The following ABR variants were observed in gnomAD, a reference collection of about 807,000 sequenced individuals.
ABR encodes active breakpoint cluster region-related protein.
A neutral mutation model predicts 107.2 loss-of-function variants in ABR; 35 were observed. The ratio of observed to expected loss-of-function variants is 0.33; its 90% CI spans 0.25 to 0.43. ABR has a LOEUF of 0.43. ABR is among the 20% of genes least tolerant of loss of function. The probability of loss-of-function intolerance (pLI) is 1.00; values close to 1 mark genes in which losing one functional copy is unlikely to be tolerated. For synonymous variants in ABR, 498 were observed against 462.0 expected, an observed-to-expected ratio of 1.08 and a Z score of -1.00; for missense variants, 815 against 1,115.2, an observed-to-expected ratio of 0.73 and a Z score of 3.83.
intron 1 of ABR, among the ~76,000 whole-genome samples, chr17:1,198,140 G>A (rs1433074213): frequency 1.3e-5 from 2 of 151,702 alleles, no homozygotes; most frequent in East Asian, 3.9e-4. Flanking sequence ...AGCTGCCACA[G>A]AGAAGCCTCC....
At chr17:1,025,898 G>T (rs559095213) in intron 16 of ABR, among the ~76,000 whole-genome samples, 4 of 152,278 alleles carry the variant, frequency 2.6e-5, no homozygotes, top group African/African-American at 9.6e-5. Flanking sequence ...ATACTCACAG[G>T]CCAGAGGAAC....
chr17:1,040,619 G>A (rs558063983), intron 16 of ABR, among the ~76,000 whole-genome samples: 37 of 152,332 alleles, frequency 2.4e-4, no homozygotes, highest in Non-Finnish European at 5.1e-4. Flanking sequence ...GCCTTTAGGA[G>A]GGGGCTGCTG....
rs369298446 is a variant in ABR, at chr17:1,210,440, C to T, written c.838+18353G>A. 1.3e-5 allele frequency among the ~76,000 whole-genome samples: 2 copies of T among 149,658 alleles called. 1 individual carries two copies. The highest frequency in any genetic ancestry group is 1.3e-4 in the Admixed American group (2 of 14,936). On this transcript the variant is annotated intron_variant, in intron 1 of 22. Coordinates refer to the ABR transcript ENST00000574139. This position sits in a 1 kb window ranked among gnomAD's most constrained non-coding sequence, Gnocchi z 5.6. ...CTCAGTTTCTCCATGCTGTTGTCCGCGTATCACTCAGCTTGTCTGCACTAT... is the reference window on the plus strand; with the variant it reads ...CTCAGTTTCTCCATGCTGTTGTCCGTGTATCACTCAGCTTGTCTGCACTAT...
chr17:1,009,566 C>T lies in ABR; in HGVS notation c.2342+113G>A, dbSNP rs757815787. On this transcript the variant is annotated intron_variant, in intron 21 of 22. Coordinates refer to ENST00000302538, the MANE Select transcript of ABR (RefSeq NM_021962.5). ...GACTGAGGAGGTGGGGTTGGGGCCA[C>T]TCCCCGTTACCTTTTCACGAGGAGG... 2.0e-5 allele frequency: 17 copies of T among 868,704 alleles called. No homozygotes were observed. The South Asian group carries it at 2.4e-4, about 12-fold the overall frequency. The allele number at this position is 868,704 out of a possible 1,614,324, so 53.8% of individuals were successfully genotyped here. A position where few individuals can be genotyped will look rare whatever the true frequency, so the allele number is the denominator to read the frequency against.
chr17:1,221,975 A>G (rs184821377), intron 1 of ABR, among the ~76,000 whole-genome samples: 2 of 152,322 alleles, frequency 1.3e-5, no homozygotes, highest in Admixed American at 1.3e-4. Flanking sequence ...TATAAGCAGT[A>G]GCCTGGTTTA....
At chr17:1,056,196 A>G in intron 13 of ABR, 87 bp from the exon 14 acceptor site, 1 of 1,172,760 alleles carries the variant, frequency 8.5e-7, no homozygotes, top group Non-Finnish European at 1.3e-6. Flanking sequence ...CAGACGGGGT[A>G]TGAGACTCAG....
At chr17:1,018,762 G>T (rs1248702440) in intron 16 of ABR, among the ~76,000 whole-genome samples, 1 of 152,194 alleles carries the variant, frequency 6.6e-6, no homozygotes, top group Non-Finnish European at 1.5e-5. Flanking sequence ...GAGAGCAACG[G>T]ACTTATCTCG....
rs1239655162 is a variant in ABR at position 1,010,613 on chromosome 17, G to A, written c.2236+116C>T. The A allele has an allele frequency of 4.2e-6, 6 of 1,432,838 alleles. No individual in the cohort carries two copies. The highest frequency in any genetic ancestry group is 2.8e-6 in the Non-Finnish European group (3 of 1,056,066). The allele number at this position is 1,432,838 out of a possible 1,614,324, so 88.8% of individuals were successfully genotyped here. A position where few individuals can be genotyped will look rare whatever the true frequency, so the allele number is the denominator to read the frequency against. ...CCTCAGCCACAGGCCCCAGTGCACT[G>A]GGAAGGTCAGCCAGCAAAGGAAGCC... On this transcript the variant is annotated intron_variant, in intron 20 of 22. Transcript: ENST00000302538. The surrounding 1 kb of genome is among the most constrained non-coding windows in gnomAD (Gnocchi z 4.1).
At position 1,067,298 on chromosome 17, in the gene ABR, C is replaced by T; in HGVS notation, c.1017-56G>A. On this transcript the variant is annotated intron_variant, in intron 9 of 22. Transcript: ENST00000302538. ...AGAGGGAGCCTGGCTCTTCCAGCCT[C>T]AACTCTTGGGTCCAGAACCACAGAA... is the stretch of plus-strand genomic sequence containing the variant. The T allele has an allele frequency of 2.0e-6, 3 of 1,494,912 alleles. No homozygotes were observed. The South Asian group carries it at 4.1e-5, about 20-fold the overall frequency. 92.6% of individuals were successfully genotyped at this position (1,494,912 alleles called of 1,614,324 possible).
upstream of ABR, among the ~76,000 whole-genome samples, chr17:1,191,099 G>T (rs1276574648): frequency 6.6e-6 from 1 of 152,166 alleles, no homozygotes; most frequent in African/African-American, 2.4e-5. Flanking sequence ...AGGTCTGCTG[G>T]GGGCCTGTGC....
intron 6 of ABR, among the ~76,000 whole-genome samples, chr17:1,076,581 T>TCCACAG (rs2035728172): frequency 6.6e-6 from 1 of 151,944 alleles, no homozygotes; most frequent in African/African-American, 2.4e-5. Flanking sequence ...GGTTTCTGAC[T>TCCACAG]AAGCTCAGAG....
intron 2 of ABR, chr17:1,108,814 C>CCTCCCGGA (rs2038442310): frequency 4.9e-6 from 6 of 1,227,440 alleles, no homozygotes; most frequent in Middle Eastern, 2.9e-4. Context: ...GGGCCGGGAC[C>CCTCCCGGA]CTCCGCCGAG....
chr17:1,155,996 G>A (rs2041025410), intron 1 of ABR: 1 of 151,998 alleles, frequency 6.6e-6, no homozygotes, highest in Non-Finnish European at 1.5e-5. Context: ...CAGGTAGGTG[G>A]GTGACCAGAT....
At chr17:1,170,004 GT>G (rs2041648856) in intron 1 of ABR, among the ~76,000 whole-genome samples, 1 of 118,118 alleles carries the variant, frequency 8.5e-6, no homozygotes, top group East Asian at 3.1e-4. Flanking sequence ...GTGTGTGTGT[GT>G]GTGGGGGGGG....
At chr17:1,047,339 C>T (rs58488695) in intron 16 of ABR, among the ~76,000 whole-genome samples, 2,002 of 152,376 alleles carry the variant, frequency 0.013, 43 homozygotes, top group African/African-American at 0.046. Flanking sequence ...ACAGACCGTT[C>T]CGTGGCTCCG....
At chr17:1,031,819 C>G in intron 16 of ABR, 1 of 1,227,050 alleles carries the variant, frequency 8.1e-7, no homozygotes, top group Non-Finnish European at 1.0e-6. Flanking sequence ...CCCGCTAGTT[C>G]CCTAGTCCCG....
Position 1,078,397 on chromosome 17 carries a change from T to C in ABR, c.700+933A>G, listed in dbSNP as rs919788031. On this transcript the variant is annotated intron_variant, in intron 6 of 22. Transcript: ENST00000302538. This position sits in a 1 kb window ranked among gnomAD's most constrained non-coding sequence, Gnocchi z 7.5. ...TGGCTCGCGCTGGCACCCTCTCGGC[T>C]GGCAACGCCGCCGTCCGGACCATCG... 2.0e-5 allele frequency among the ~76,000 whole-genome samples: 3 copies of C among 152,136 alleles called. No individual in the cohort carries two copies. Among genetic ancestry groups the C allele is most frequent in the African/African-American group, 7.2e-5 (3 of 41,440 alleles).
At chr17:1,125,003 G>A (rs2039526728) in intron 2 of ABR, among the ~76,000 whole-genome samples, 180 bp downstream of exon 2, 1 of 151,618 alleles carries the variant, frequency 6.6e-6, no homozygotes, top group Non-Finnish European at 1.5e-5. Context: ...GGTGGGGAGG[G>A]AAGCCCGAGC....
chr17:1,067,062 C>A lies in ABR; in HGVS notation c.1182+15G>T. 6.2e-7 allele frequency: 1 copy of A among 1,611,680 alleles called. No individual in the cohort carries two copies. The highest frequency in any genetic ancestry group is 8.5e-7 in the Non-Finnish European group (1 of 1,178,830). ...GCTCAAAGGGCCCCAGGCTCAGATACCAAGCTCTGCTCACCTCCTTCTGGA... is the reference window on the plus strand; with the variant it reads ...GCTCAAAGGGCCCCAGGCTCAGATAACAAGCTCTGCTCACCTCCTTCTGGA... On this transcript the variant is annotated intron_variant, in intron 10 of 22. Transcript: ENST00000302538.
Sources: gnomAD v4.1 joint callset for allele counts (sites outside exome capture counted in the v4.1 genomes callset) on GRCh38, gnomAD v4.1.1 for gene constraint, Gnocchi (gnomAD v3.1) non-coding constraint, MANE v1.5 for transcripts, NCBI Gene and HGNC (gene_info 2026-07-23, HGNC 2026-07-21) for gene names.